Variants in CHADL observed in about 807,000 individuals in gnomAD.
The protein encoded by CHADL is chondroadherin-like protein.
Under a neutral mutation model 52.1 loss-of-function variants are expected in CHADL, and 48 were observed. The observed-to-expected ratio is 0.92, with a 90% CI of 0.73 to 1.17. The LOEUF is 1.17. CHADL is among the 50% of genes most tolerant of loss of function. The pLI, the probability that CHADL is intolerant of heterozygous loss-of-function variation, is 0.00. For synonymous variants in CHADL, 498 were observed against 511.2 expected, an observed-to-expected ratio of 0.97 and a Z score of 0.35; for missense variants, 977 against 1,035.1, an observed-to-expected ratio of 0.94 and a Z score of 0.77.
chr22:41,234,775 T>C (rs1050478336), intron 5 of CHADL, among the ~76,000 whole-genome samples: 3 of 152,036 alleles, frequency 2.0e-5, no homozygotes, highest in African/African-American at 7.2e-5. Flanking sequence ...AGATGGTCTC[T>C]ATCTCCTGAC....
intron 5 of CHADL, among the ~76,000 whole-genome samples, chr22:41,234,548 A>AT (rs1234465636): frequency 1.3e-3 from 184 of 139,220 alleles, no homozygotes; most frequent in East Asian, 3.0e-3. Flanking sequence ...CGCCCAGCTA[A>AT]TTTTTTTTTT....
chr22:41,230,626 T>C (rs2145625288), intron 5 of CHADL: 1 of 248,154 alleles, frequency 4.0e-6, no homozygotes, highest in Non-Finnish European at 7.8e-6. Context: ...CACTGTGGAA[T>C]ACAAGACAGT....
In CHADL at chr22:41,229,735, G is replaced by A. The variant is rs767399964; in HGVS notation, c.2263-5C>T. 3.0e-5 allele frequency: 49 copies of A among 1,609,886 alleles called. No homozygotes were observed. The highest frequency in any genetic ancestry group is 4.4e-5 in the South Asian group (4 of 90,668). ...ACGACCCTTCTCCTTCCCCACCTGG[G>A]CACAGAAGAGTAGAGTCAGGTTTCT... On this transcript the variant is annotated splice_region_variant and splice_polypyrimidine_tract_variant and intron_variant, in intron 5 of 5. Transcript: ENST00000216241.
chr22:41,234,597 A>G (rs2032701978), intron 5 of CHADL, among the ~76,000 whole-genome samples: 1 of 149,626 alleles, frequency 6.7e-6, no homozygotes, highest in Non-Finnish European at 1.5e-5. Flanking sequence ...TCTGTCGCCC[A>G]GGCTGGAGTG....
rs2032765644 is a variant in CHADL at position 41,237,477 on chromosome 22, G to A, written c.1595C>T (p.Ala532Val). The change falls in exon 3 of 6, where the codon GCT (alanine) becomes GTT (valine). Residue 532 changes from alanine to valine, a missense_variant. By Grantham distance (64) the Ala-to-Val change is moderately conservative. Coordinates refer to ENST00000216241, the MANE Select transcript of CHADL (RefSeq NM_138481.2). ...SLFSLHLQDN[A>V]VDRLAPGDLG... ...GTCCCCAGGTGCCAGGCGGTCCACA[G>A]CGTTGTCCTGCAGGTGCAGGGAGAA... 6.4e-7 allele frequency: 1 copy of A among 1,550,538 alleles called. No homozygotes were observed. Among genetic ancestry groups the A allele is most frequent in the Non-Finnish European group, 8.7e-7 (1 of 1,146,966 alleles).
At position 41,238,153 on chromosome 22, in the gene CHADL, G is replaced by GC. The variant is rs2078785101; in HGVS notation, c.918dup (p.Leu307AlafsTer188). On this transcript the variant is annotated frameshift_variant, in exon 3 of 6. Transcript: ENST00000216241. LOFTEE classifies it high-confidence loss of function. This position sits in a 1 kb window ranked among gnomAD's most constrained non-coding sequence, Gnocchi z 4.9. ...CCGCACCACAGCGGATTCCCCTGCA[G>GC]CCGCAGCCGGCGCAGCTGGCCCGGG... The GC allele has an allele frequency of 6.9e-7, 1 of 1,454,170 alleles. No individual in the cohort carries two copies. Among genetic ancestry groups the GC allele is most frequent in the Non-Finnish European group, 9.0e-7 (1 of 1,110,762 alleles). The allele number at this position is 1,454,170 out of a possible 1,614,324, so 90.1% of individuals were successfully genotyped here.
At chr22:41,239,740 G>T in intron 1 of CHADL, 120 bp from the exon 2 acceptor site, 1 of 915,694 alleles carries the variant, frequency 1.1e-6, no homozygotes, top group Non-Finnish European at 1.6e-6. Flanking sequence ...CCTCCTTTGG[G>T]CCCAGGAAAG....
Position 41,240,913 on chromosome 22 carries a change from C to G in CHADL, c.-32G>C, listed in dbSNP as rs557341654. On this transcript the variant is annotated 5_prime_UTR_variant, in exon 1 of 6. Transcript: ENST00000216241. Reference sequence around the variant, plus strand: ...TGGAACTGCTGGTCCAGCCTGGAGGCGCAGCGCAGGGACAGGCTGTCCCCG... The same window carrying G: ...TGGAACTGCTGGTCCAGCCTGGAGGGGCAGCGCAGGGACAGGCTGTCCCCG... The G allele has an allele frequency of 6.5e-7, 1 of 1,547,024 alleles. No individual in the cohort carries two copies. Among genetic ancestry groups the G allele is most frequent in the East Asian group, 2.5e-5 (1 of 40,714 alleles).
At chr22:41,237,108 GTGAA>G (rs2145636065) in intron 3 of CHADL, 64 bp downstream of exon 3, 1 of 1,435,022 alleles carries the variant, frequency 7.0e-7, no homozygotes, top group African/African-American at 1.4e-5. Flanking sequence ...TGCTTGTTGA[GTGAA>G]TGCACGCTGC....
chr22:41,229,581 G>C lies in CHADL; in HGVS notation c.*123C>G. On this transcript the variant is annotated 3_prime_UTR_variant, in exon 6 of 6. Coordinates refer to ENST00000216241, the MANE Select transcript of CHADL (RefSeq NM_138481.2). ...CACTAAGACGCGACCCCTCAGACAG[G>C]GGTCCAAGAAGCCCCTGCTGGAGGA... The C allele has an allele frequency of 1.2e-6, 2 of 1,613,320 alleles. No individual in the cohort carries two copies. Among genetic ancestry groups the C allele is most frequent in the Non-Finnish European group, 1.7e-6 (2 of 1,179,400 alleles).
At chr22:41,232,360 A>G (rs185688534) in intron 5 of CHADL, among the ~76,000 whole-genome samples, 1 of 152,104 alleles carries the variant, frequency 6.6e-6, no homozygotes, top group African/African-American at 2.4e-5. Context: ...TTACACCTGT[A>G]AAGGATGGCA....
chr22:41,236,461 G>C, intron 4 of CHADL, 23 bp downstream of exon 4: 5 of 1,545,832 alleles, frequency 3.2e-6, no homozygotes, highest in Non-Finnish European at 3.5e-6. Context: ...TCTTTGGCTG[G>C]AGGTCTAGGT....
At chr22:41,230,165 C>T in intron 5 of CHADL, 2 of 1,584,104 alleles carry the variant, frequency 1.3e-6, no homozygotes, top group East Asian at 2.3e-5. Context: ...GAAGGAAGAG[C>T]ATCTAGACGT....
In CHADL at chr22:41,238,818, AC is replaced by A; in HGVS notation, c.253del (p.Val85CysfsTer79). On this transcript the variant is annotated frameshift_variant, in exon 3 of 6. Transcript: ENST00000216241. LOFTEE classifies it high-confidence loss of function. The surrounding 1 kb of genome is among the most constrained non-coding windows in gnomAD (Gnocchi z 4.9). ...CAGGTCCAGGTGTGTGAGGTGAGGC[AC>A]GCCCTGGAAGGCGGCTGCGGGGATC... ...KVIPAAAFQG[V>X]PHLTHLDLRH... is the part of the protein sequence containing the mutation. 6.5e-7 allele frequency: 1 copy of A among 1,548,988 alleles called. No homozygotes were observed. The highest frequency in any genetic ancestry group is 8.7e-7 in the Non-Finnish European group (1 of 1,146,130).
Position 41,238,404 on chromosome 22 carries a change from C to T in CHADL, c.668G>A (p.Gly223Glu). 1 of 1,514,384 alleles carries T rather than the reference C, an allele frequency of 6.6e-7. No individual in the cohort carries two copies. The highest frequency in any genetic ancestry group is 8.8e-7 in the Non-Finnish European group (1 of 1,134,738). The allele number at this position is 1,514,384 out of a possible 1,614,324, so 93.8% of individuals were successfully genotyped here. A position where few individuals can be genotyped will look rare whatever the true frequency, so the allele number is the denominator to read the frequency against. The change falls in exon 3 of 6, where the codon GGG becomes GAG. Residue 223 changes from glycine to glutamate, a missense_variant. Coordinates refer to ENST00000216241, the MANE Select transcript of CHADL (RefSeq NM_138481.2). This position sits in a 1 kb window ranked among gnomAD's most constrained non-coding sequence, Gnocchi z 4.9. ...LHHNELQALP[G>E]PVLSQARGLA... ...GCCGCGGGCCTGGGACAAGACAGGC[C>T]CGGGCAGAGCCTGGAGCTCGTTGTG...
intron 5 of CHADL, chr22:41,230,313 C>T: frequency 1.7e-6 from 2 of 1,194,040 alleles, no homozygotes; most frequent in South Asian, 1.2e-5. Context: ...CTACCACCAC[C>T]ACCATGCCTC....
chr22:41,238,444 G>A lies in CHADL; in HGVS notation c.628C>T (p.Arg210Trp). The A allele has an allele frequency of 4.6e-6, 7 of 1,529,048 alleles. No individual in the cohort carries two copies. In the South Asian group the frequency reaches 6.1e-5, roughly 13 times the overall value. 94.7% of individuals were successfully genotyped at this position (1,529,048 alleles called of 1,614,324 possible). A position where few individuals can be genotyped will look rare whatever the true frequency, so the allele number is the denominator to read the frequency against. The change falls in exon 3 of 6, where the codon CGG becomes TGG. Residue 210 changes from arginine (R) to tryptophan (W), a missense_variant. Arg to Trp is a moderately radical substitution (Grantham distance 101). Coordinates refer to ENST00000216241, the MANE Select transcript of CHADL (RefSeq NM_138481.2). The surrounding 1 kb of genome is among the most constrained non-coding windows in gnomAD (Gnocchi z 4.9). ...EALAGLPALR[R>W]LSLHHNELQA... ...AGCTCGTTGTGGTGTAGGCTGAGCCGTCTCAGGGCGGGCAGGCCAGCCAGG... is the reference window on the plus strand; with the variant it reads ...AGCTCGTTGTGGTGTAGGCTGAGCCATCTCAGGGCGGGCAGGCCAGCCAGG...
rs1447276211 is a variant in CHADL at position 41,237,406 on chromosome 22, G to T, written c.1666C>A (p.Arg556Ser). The T allele has an allele frequency of 8.4e-6, 13 of 1,550,500 alleles. No individual in the cohort carries two copies. The East Asian group carries it at 2.7e-4, about 32-fold the overall frequency. The change falls in exon 3 of 6, where the codon CGC becomes AGC. Residue 556 changes from arginine (R) to serine (S), a missense_variant. Coordinates refer to ENST00000216241, the MANE Select transcript of CHADL (RefSeq NM_138481.2). ...GCCCCAAGGGACACTTCGGTGATGC[G>T]GTTTCCACTCAGGTAGACCCAGCGC... Reference protein sequence around the residue: ...ALRWVYLSGNRITEVSLGALG... With the variant: ...ALRWVYLSGNSITEVSLGALG...
chr22:41,231,916 GC>G (rs755260546), intron 5 of CHADL, among the ~76,000 whole-genome samples: 5 of 152,142 alleles, frequency 3.3e-5, no homozygotes, highest in Admixed American at 6.5e-5. Flanking sequence ...AGTATCAAGA[GC>G]CCCTACCCAG....
Sources: allele counts gnomAD v4.1 joint callset (sites outside exome capture counted in the v4.1 genomes callset), GRCh38; gene constraint gnomAD v4.1.1; non-coding constraint Gnocchi (gnomAD v3.1); transcripts MANE v1.5; gene names NCBI Gene and HGNC (gene_info 2026-07-23, HGNC 2026-07-21).